Variants in LRRC71 observed in about 807,000 individuals in gnomAD.
LRRC71 encodes leucine-rich repeat-containing protein 71.
LRRC71 carries 54 observed loss-of-function variants against 66.6 expected under a neutral mutation model. That is an observed-to-expected ratio of 0.81 (90% CI 0.65 to 1.02). The LOEUF (loss-of-function observed/expected upper bound fraction) is 1.02, where lower values mean the gene tolerates loss of function less well. LRRC71 is among the 50% of genes least tolerant of loss of function. LRRC71 has a pLI of 0.00. For synonymous variants in LRRC71, 323 were observed against 303.9 expected (o/e 1.06, Z -0.65); for missense variants, 724 against 718.0 (o/e 1.01, Z -0.10).
In LRRC71 at chr1:156,924,549, C is replaced by T. The variant is rs1286999308; in HGVS notation, c.436C>T (p.Arg146Cys). 3.9e-6 allele frequency: 6 copies of T among 1,551,438 alleles called. No individual in the cohort carries two copies. The highest frequency in any genetic ancestry group is 1.4e-5 in the African/African-American group (1 of 73,050). Residue 146 changes from arginine to cysteine, a missense_variant, in exon 3 of 15, where the codon CGC (arginine) becomes TGC (cysteine). Arg to Cys is a radical substitution (Grantham distance 180). Coordinates refer to ENST00000337428, the MANE Select transcript of LRRC71 (RefSeq NM_144702.3). Reference protein sequence around the residue: ...DSKSVKEIYIRGWKVEERILG... With the variant: ...DSKSVKEIYICGWKVEERILG... Reference sequence around the variant, plus strand: ...CAAGTCAGTGAAGGAAATCTACATCCGCGGTGAGCCCCGCTCCCCCCACCC... The same window carrying T: ...CAAGTCAGTGAAGGAAATCTACATCTGCGGTGAGCCCCGCTCCCCCCACCC...
intron 11 of LRRC71, among the ~76,000 whole-genome samples, chr1:156,930,020 C>CTT (rs1164421880): frequency 1.8e-5 from 2 of 110,370 alleles, no homozygotes; most frequent in Admixed American, 1.9e-4. Flanking sequence ...TTTCTTTTTT[C>CTT]TTTTCTTTTC....
chr1:156,938,612 A>G, the LRRC71 span: 1 of 1,101,838 alleles, frequency 9.1e-7, no homozygotes, highest in Non-Finnish European at 1.3e-6. Context: ...AGGTGGGGAC[A>G]GGGGGAGGAG....
chr1:156,938,322 G>A, the LRRC71 span: 1 of 1,105,124 alleles, frequency 9.0e-7, no homozygotes, highest in Non-Finnish European at 1.3e-6. Context: ...GAGCTTGTGG[G>A]TGTGTGTGTG....
downstream of LRRC71, chr1:156,935,982 A>C: frequency 6.2e-7 from 1 of 1,608,312 alleles, no homozygotes; most frequent in Non-Finnish European, 8.5e-7. Context: ...GACGCAGAGG[A>C]TTTGGTGGTT....
chr1:156,930,633 G>T lies in LRRC71; in HGVS notation c.1329+16G>T. The T allele has an allele frequency of 1.3e-6, 2 of 1,553,458 alleles. No homozygotes were observed. Among genetic ancestry groups the T allele is most frequent in the South Asian group, 1.2e-5 (1 of 84,154 alleles). Reference sequence around the variant, plus strand: ...GGAGTCCGAGGTAAGTTGCCAGGAGGAGTGGAGGCAGGGGGCACACCCCTG... The same window carrying T: ...GGAGTCCGAGGTAAGTTGCCAGGAGTAGTGGAGGCAGGGGGCACACCCCTG... On this transcript the variant is annotated intron_variant, in intron 12 of 14. Coordinates refer to ENST00000337428, the MANE Select transcript of LRRC71 (RefSeq NM_144702.3).
chr1:156,923,988 C>T lies in LRRC71; in HGVS notation c.200C>T (p.Ala67Val). The T allele has an allele frequency of 6.5e-7, 1 of 1,543,034 alleles. No homozygotes were observed. Reference sequence around the variant, plus strand: ...TCCGGGGTCCTCGAGACCGACTTCGCCGAGCTCTGCACGCGGTGGGGCTAC... The same window carrying T: ...TCCGGGGTCCTCGAGACCGACTTCGTCGAGCTCTGCACGCGGTGGGGCTAC... Reference protein sequence around the residue: ...QCSGVLETDFAELCTRWGYTD... With the variant: ...QCSGVLETDFVELCTRWGYTD... Residue 67 changes from alanine to valine, a missense_variant, in exon 2 of 15, where the codon GCC becomes GTC. Coordinates refer to ENST00000337428, the MANE Select transcript of LRRC71 (RefSeq NM_144702.3).
downstream of LRRC71, among the ~76,000 whole-genome samples, chr1:156,934,221 A>C (rs777247498): frequency 6.6e-6 from 1 of 152,078 alleles, no homozygotes; most frequent in Non-Finnish European, 1.5e-5. Flanking sequence ...GCCCAAATAG[A>C]CTGTACCCTA....
chr1:156,928,354 TTCTTCTTCC>T (rs1336752530), intron 9 of LRRC71, among the ~76,000 whole-genome samples: 33 of 148,136 alleles, frequency 2.2e-4, no homozygotes, highest in African/African-American at 8.3e-4. Flanking sequence ...TTTCTTTCTC[TTCTTCTTCC>T]TCTTCTTCTT....
intron 5 of LRRC71, among the ~76,000 whole-genome samples, chr1:156,925,665 G>A (rs1426970815): frequency 6.6e-6 from 1 of 152,246 alleles, no homozygotes; most frequent in South Asian, 2.1e-4. Context: ...GTGGTTGGGA[G>A]TGTAAGGGGC....
At chr1:156,922,553 G>C (rs1046947283) in intron 1 of LRRC71, among the ~76,000 whole-genome samples, 1 of 152,202 alleles carries the variant, frequency 6.6e-6, no homozygotes, top group African/African-American at 2.4e-5. Context: ...GTGAGCATAA[G>C]AAAGGGGTGT....
At chr1:156,927,177 G>T (rs557210721) in intron 5 of LRRC71, 25 bp from the exon 6 acceptor site, 39 of 1,601,846 alleles carry the variant, frequency 2.4e-5, no homozygotes, top group Non-Finnish European at 2.9e-5. Context: ...GTACCTTCTG[G>T]TTCTCAGATC....
chr1:156,937,829 G>C (rs1655818338), downstream of LRRC71, among the ~76,000 whole-genome samples: 1 of 152,192 alleles, frequency 6.6e-6, no homozygotes, highest in Non-Finnish European at 1.5e-5. Flanking sequence ...GCTGGTTTCA[G>C]GCTCTTCTGA....
chr1:156,932,123 G>C, intron 13 of LRRC71, 96 bp downstream of exon 13: 1 of 1,002,298 alleles, frequency 1.0e-6, no homozygotes, highest in Non-Finnish European at 1.5e-6. Flanking sequence ...AGCAGAGCTG[G>C]TCCTCCCATC....
At chr1:156,938,850 G>A in the LRRC71 span, 1 of 304,876 alleles carries the variant, frequency 3.3e-6, no homozygotes, top group Non-Finnish European at 6.0e-6. Context: ...TCCCATGTGT[G>A]CCCCAGGCTT....
At chr1:156,927,058 G>C in intron 5 of LRRC71, 144 bp from the exon 6 acceptor site, 1 of 704,682 alleles carries the variant, frequency 1.4e-6, no homozygotes, top group Non-Finnish European at 2.4e-6. Context: ...CTGGGGAATT[G>C]TCACATATAT....
At chr1:156,926,928 C>G (rs1203803851) in intron 5 of LRRC71, among the ~76,000 whole-genome samples, 1 of 152,310 alleles carries the variant, frequency 6.6e-6, no homozygotes, top group East Asian at 1.9e-4. Context: ...AGGAATGACA[C>G]AGGGGCATGA....
rs1000142788 is a variant in LRRC71 at position 156,924,001 on chromosome 1, G to A, written c.213G>A (p.Thr71=). ...AGACCGACTTCGCCGAGCTCTGCACGCGGTGGGGCTACACGGACTTCCCCA... is the reference window on the plus strand; with the variant it reads ...AGACCGACTTCGCCGAGCTCTGCACACGGTGGGGCTACACGGACTTCCCCA... ...VLETDFAELC[T]RWGYTDFPKV... is the part of the protein sequence containing the mutation. Residue 71 remains threonine (T), a synonymous_variant, in exon 2 of 15, where the codon ACG becomes ACA. Transcript: ENST00000337428. 1.9e-6 allele frequency: 3 copies of A among 1,546,600 alleles called. No homozygotes were observed. The highest frequency in any genetic ancestry group is 2.0e-5 in the Admixed American group (1 of 50,646).
intron 10 of LRRC71, 83 bp downstream of exon 10, chr1:156,929,512 G>A: frequency 6.3e-7 from 1 of 1,587,682 alleles, no homozygotes; most frequent in Non-Finnish European, 8.6e-7. Context: ...GTGGAGGGAA[G>A]AAGGCCACAT....
At chr1:156,921,518 C>A in intron 1 of LRRC71, 1 of 478,800 alleles carries the variant, frequency 2.1e-6, no homozygotes, top group Non-Finnish European at 2.7e-6. Flanking sequence ...GGGACAAGAA[C>A]TTGCTGTCTC....
Sources: allele counts gnomAD v4.1 joint callset (sites outside exome capture counted in the v4.1 genomes callset), GRCh38; gene constraint gnomAD v4.1.1; transcripts MANE v1.5; gene names NCBI Gene and HGNC (gene_info 2026-07-23, HGNC 2026-07-21).